Variants in KIF20B observed in about 807,000 individuals in gnomAD.
The protein encoded by KIF20B is kinesin-like protein KIF20B.
A neutral mutation model predicts 232.5 loss-of-function variants in KIF20B; 188 were observed. The ratio of observed to expected loss-of-function variants is 0.81; its 90% CI spans 0.72 to 0.91. KIF20B has a LOEUF of 0.91. Among genes scored for constraint, KIF20B ranks in the 40% least tolerant of loss-of-function variants. KIF20B has a pLI of 0.00. For missense variants in KIF20B, 2,154 were observed against 2,055.9 expected (o/e 1.05, Z -0.92); for synonymous variants, 712 against 683.0 (o/e 1.04, Z -0.66).
chr10:89,768,856 T>TA lies in KIF20B; in HGVS notation c.5211dup (p.Gln1738ThrfsTer16). ...ACACTACAGAAATTTGGAGACTTCTTACAACATTCTCCCTCAATTCTTCAA... is the reference window on the plus strand; with the variant it reads ...ACACTACAGAAATTTGGAGACTTCTTAACAACATTCTCCCTCAATTCTTCAA... On this transcript the variant is annotated frameshift_variant, in exon 31 of 33. Coordinates refer to ENST00000371728, the MANE Select transcript of KIF20B (RefSeq NM_001284259.2). LOFTEE classifies it high-confidence loss of function. 1 of 1,603,588 alleles carries TA rather than the reference T, an allele frequency of 6.2e-7. No individual in the cohort carries two copies. The highest frequency in any genetic ancestry group is 8.5e-7 in the Non-Finnish European group (1 of 1,176,610).
intron 23 of KIF20B, among the ~76,000 whole-genome samples, chr10:89,751,020 A>G (rs542794634): frequency 6.6e-6 from 1 of 150,922 alleles, no homozygotes; most frequent in Non-Finnish European, 1.5e-5. Context: ...CCTAAGATTT[A>G]TGTTCATAGT....
chr10:89,737,671 A>G lies in KIF20B; in HGVS notation c.2830A>G (p.Ile944Val). The G allele has an allele frequency of 6.2e-7, 1 of 1,612,918 alleles. No homozygotes were observed. Among genetic ancestry groups the G allele is most frequent in the East Asian group, 2.2e-5 (1 of 44,798 alleles). ...QQIQSNYDIA[I>V]AELHVQKSKN... ...AATTCAGTCAAATTATGATATTGCA[A>G]TTGCTGAATTACATGTGCAGAAAAG... is the stretch of plus-strand genomic sequence containing the variant. The change falls in exon 20 of 33, where the codon ATT (isoleucine) becomes GTT (valine). Residue 944 changes from isoleucine (I) to valine (V), a missense_variant. By Grantham distance (29) the Ile-to-Val change is conservative. Coordinates refer to ENST00000371728, the MANE Select transcript of KIF20B (RefSeq NM_001284259.2).
rs561519478 is a variant in KIF20B at position 89,705,223 on chromosome 10, CT to C, written c.-1-67del. 1.4e-3 allele frequency: 1,866 copies of C among 1,371,676 alleles called. 16 individuals are homozygous for C. The African/African-American group carries it at 0.023, about 17-fold the overall frequency. 85.0% of individuals were successfully genotyped at this position (1,371,676 alleles called of 1,614,324 possible). A position where few individuals can be genotyped will look rare whatever the true frequency, so the allele number is the denominator to read the frequency against. On this transcript the variant is annotated intron_variant, in intron 1 of 32. Coordinates refer to ENST00000371728, the MANE Select transcript of KIF20B (RefSeq NM_001284259.2). ...ATTTGGAGGGAAGTAGTGGGCTAGA[CT>C]TTTGAAAGTGTGGGTGGCTTACATG...
chr10:89,712,302 G>A (rs984181209), intron 6 of KIF20B, among the ~76,000 whole-genome samples: 3 of 151,644 alleles, frequency 2.0e-5, no homozygotes, highest in African/African-American at 7.3e-5. Flanking sequence ...CATCCAGGCT[G>A]GAGTATAGCG....
At chr10:89,751,764 A>G (rs538033698) in intron 24 of KIF20B, among the ~76,000 whole-genome samples, 1 of 152,178 alleles carries the variant, frequency 6.6e-6, no homozygotes, top group South Asian at 2.1e-4. Context: ...TAAGTTTTCA[A>G]CTGAGTTTCA....
chr10:89,703,072 T>C (rs1842644695), intron 1 of KIF20B, among the ~76,000 whole-genome samples: 1 of 152,226 alleles, frequency 6.6e-6, no homozygotes, highest in African/African-American at 2.4e-5. Context: ...TTCTTTTTAA[T>C]TCAGCAATTT....
chr10:89,712,318 A>G (rs1842849987), intron 6 of KIF20B, among the ~76,000 whole-genome samples: 2 of 151,440 alleles, frequency 1.3e-5, no homozygotes, highest in African/African-American at 2.4e-5. Context: ...TAGCGGTATG[A>G]TCATAGCTCA....
intron 23 of KIF20B, 115 bp downstream of exon 23, chr10:89,746,074 G>A (rs1000727597): frequency 4.1e-6 from 3 of 727,974 alleles, no homozygotes; most frequent in Admixed American, 2.2e-5. Flanking sequence ...ACCCCTAGGG[G>A]GAGCATGCAG....
chr10:89,758,822 T>C lies in KIF20B; in HGVS notation c.4620T>C (p.Asn1540=). Residue 1540 remains asparagine (N), a synonymous_variant, in exon 27 of 33, where the codon AAT becomes AAC. Transcript: ENST00000371728. ...EIQLKALISS[N]VQKDNEIEQL... The stretch of plus-strand genomic sequence containing the variant: ...AGCTAAAAGCACTGATATCCAGTAA[T>C]GTACAGAAAGATAATGAAATTGAAC... 1.9e-6 allele frequency: 3 copies of C among 1,603,002 alleles called. No individual in the cohort carries two copies. Among genetic ancestry groups the C allele is most frequent in the African/African-American group, 2.7e-5 (2 of 74,524 alleles).
At chr10:89,718,566 G>A (rs1842983472) in intron 11 of KIF20B, 144 bp from the exon 12 acceptor site, 1 of 643,900 alleles carries the variant, frequency 1.6e-6, no homozygotes, top group Non-Finnish European at 2.7e-6. Flanking sequence ...AACTGAGAAG[G>A]ACTATTACAT....
intron 28 of KIF20B, 30 bp from the exon 29 acceptor site, chr10:89,762,608 T>A: frequency 6.6e-7 from 1 of 1,518,026 alleles, no homozygotes; most frequent in Non-Finnish European, 9.1e-7. Context: ...ACTCTACAAA[T>A]AATATTTTTC....
At chr10:89,738,719 T>C (rs1841726454) in intron 20 of KIF20B, 102 bp downstream of exon 20, 2 of 1,368,264 alleles carry the variant, frequency 1.5e-6, no homozygotes, top group African/African-American at 1.5e-5. Context: ...TGGTAAAGCG[T>C]AGCATGTATG....
intron 17 of KIF20B, among the ~76,000 whole-genome samples, chr10:89,728,218 A>G (rs1843231375): frequency 6.6e-6 from 1 of 152,184 alleles, no homozygotes; most frequent in African/African-American, 2.4e-5. Context: ...TGTTTATACA[A>G]TTCCTATCTT....
chr10:89,725,162 T>C lies in KIF20B; in HGVS notation c.2001+4T>C. The C allele has an allele frequency of 6.2e-7, 1 of 1,613,638 alleles. No individual in the cohort carries two copies. Among genetic ancestry groups the C allele is most frequent in the South Asian group, 1.1e-5 (1 of 90,992 alleles). The stretch of plus-strand genomic sequence containing the variant: ...TGCCACAAAAGTTGAAACTGAAGTA[T>C]GTTAATTGAAGTATTTAAAAATATC... On this transcript the variant is annotated splice_donor_region_variant and intron_variant, in intron 15 of 32. Transcript: ENST00000371728.
chr10:89,768,422 C>A, intron 30 of KIF20B, 31 bp downstream of exon 30: 1 of 1,264,508 alleles, frequency 7.9e-7, no homozygotes, highest in Non-Finnish European at 1.1e-6. Context: ...AAAATTGTAG[C>A]AATTATCCAG....
intron 17 of KIF20B, 146 bp downstream of exon 17, chr10:89,728,042 T>C (rs1020064192): frequency 1.6e-6 from 1 of 622,424 alleles, no homozygotes. Flanking sequence ...TATTCTGTTA[T>C]TTTTTCTGTT....
At chr10:89,758,521 T>G (rs1354432652) in intron 26 of KIF20B, among the ~76,000 whole-genome samples, 185 bp from the exon 27 acceptor site, 2 of 152,018 alleles carry the variant, frequency 1.3e-5, no homozygotes, top group African/African-American at 4.8e-5. Flanking sequence ...AAAAATAACA[T>G]GGACATTTAA....
intron 15 of KIF20B, among the ~76,000 whole-genome samples, chr10:89,725,464 T>A (rs1843163361): frequency 6.6e-6 from 1 of 152,162 alleles, no homozygotes; most frequent in African/African-American, 2.4e-5. Flanking sequence ...CATTTTTAAA[T>A]AAAAAGAATT....
At position 89,745,593 on chromosome 10, in the gene KIF20B, T is replaced by A. The variant is rs188213789; in HGVS notation, c.4036-306T>A. On this transcript the variant is annotated intron_variant, in intron 22 of 32. Transcript: ENST00000371728. ...GTTTTTTTTTAATTTTTTTAAATTT[T>A]AATTTTAATTTTTATTTTTTGAGAT... Among the ~76,000 whole-genome samples the A allele has an allele frequency of 1.1e-3, 161 of 152,158 alleles. No homozygotes were observed. In the East Asian group the frequency reaches 0.017, roughly 16 times the overall value.
Sources: allele counts gnomAD v4.1 joint callset (sites outside exome capture counted in the v4.1 genomes callset), GRCh38; gene constraint gnomAD v4.1.1; transcripts MANE v1.5; gene names NCBI Gene and HGNC (gene_info 2026-07-23, HGNC 2026-07-21).